INPP4B: variants seen among roughly 807,000 people sequenced by gnomAD.
INPP4B encodes inositol polyphosphate-4-phosphatase type II B, also known as inositol polyphosphate 4-phosphatase type II.
Under a neutral mutation model 122.5 loss-of-function variants are expected in INPP4B, and 55 were observed. The ratio of observed to expected loss-of-function variants is 0.45; its 90% CI spans 0.36 to 0.56. INPP4B has a LOEUF of 0.56. INPP4B is among the 20% of genes least tolerant of loss of function. The probability of loss-of-function intolerance (pLI) is 0.00; values close to 1 mark genes in which losing one functional copy is unlikely to be tolerated. For synonymous variants in INPP4B, 403 were observed against 388.7 expected (o/e 1.04, Z -0.43); for missense variants, 1,000 against 1,097.7 (o/e 0.91, Z 1.26).
chr4:142,402,787 T>C, intron 7 of INPP4B, 151 bp downstream of exon 7: 1 of 587,990 alleles, frequency 1.7e-6, no homozygotes, highest in Non-Finnish European at 3.0e-6. Context: ...GAGACAAACA[T>C]ATTTGGGAAA....
intron 25 of INPP4B, chr4:142,029,469 G>T (rs1481664599): frequency 1.0e-6 from 1 of 985,866 alleles, no homozygotes; most frequent in East Asian, 1.1e-4. Flanking sequence ...TCCACGGACA[G>T]TACAAAAGTC....
chr4:142,504,134 C>A (rs565640748), intron 2 of INPP4B, among the ~76,000 whole-genome samples: 2 of 151,794 alleles, frequency 1.3e-5, no homozygotes, highest in African/African-American at 4.8e-5. Flanking sequence ...ATTTGCCAAG[C>A]AAATGGTATA....
At chr4:142,201,314 T>G (rs1840536810) in intron 14 of INPP4B, among the ~76,000 whole-genome samples, 2 of 152,098 alleles carry the variant, frequency 1.3e-5, no homozygotes, top group Non-Finnish European at 2.9e-5. Context: ...TCTTTAACTT[T>G]AATTGAGATA....
chr4:142,389,805 G>A (rs572073205), intron 7 of INPP4B, among the ~76,000 whole-genome samples: 1 of 152,304 alleles, frequency 6.6e-6, no homozygotes, highest in Admixed American at 6.5e-5. Context: ...AGTTTTACAT[G>A]CAAGATGTCT....
At chr4:142,159,215 G>A (rs1031574413) in intron 17 of INPP4B, among the ~76,000 whole-genome samples, 1 of 149,726 alleles carries the variant, frequency 6.7e-6, no homozygotes, top group Non-Finnish European at 1.5e-5. Context: ...TTACAGTTGA[G>A]AAAATTGAAC....
intron 2 of INPP4B, among the ~76,000 whole-genome samples, chr4:142,471,147 G>A (rs929795753): frequency 3.3e-5 from 5 of 152,190 alleles, no homozygotes; most frequent in African/African-American, 1.2e-4. Flanking sequence ...TTTTAAGTCT[G>A]CTTTTTTCAT....
chr4:142,115,589 T>C (rs978244900), intron 21 of INPP4B, among the ~76,000 whole-genome samples: 3 of 152,134 alleles, frequency 2.0e-5, no homozygotes, highest in African/African-American at 7.2e-5. Context: ...AGAAATAAAA[T>C]CTTTTACAGA....
At chr4:142,605,532 C>A (rs1741049173) in intron 2 of INPP4B, among the ~76,000 whole-genome samples, 1 of 151,958 alleles carries the variant, frequency 6.6e-6, no homozygotes, top group Admixed American at 6.6e-5. Flanking sequence ...ACTTATCCAA[C>A]AGGGGACTGC....
intron 2 of INPP4B, among the ~76,000 whole-genome samples, chr4:142,672,158 C>A (rs542264252): frequency 6.6e-6 from 1 of 152,246 alleles, no homozygotes; most frequent in East Asian, 1.9e-4. Flanking sequence ...TCATAGTTTA[C>A]ATTTTGGGCT....
intron 2 of INPP4B, among the ~76,000 whole-genome samples, chr4:142,669,824 A>C (rs1400023848): frequency 1.3e-5 from 2 of 152,210 alleles, no homozygotes; most frequent in Non-Finnish European, 2.9e-5. Context: ...ATTATCAAAA[A>C]TAAGAAAGAT....
At chr4:142,526,158 G>T (rs1826886009) in intron 2 of INPP4B, among the ~76,000 whole-genome samples, 1 of 152,034 alleles carries the variant, frequency 6.6e-6, no homozygotes, top group African/African-American at 2.4e-5. Context: ...ATCAATACAT[G>T]TGTATCTAGT....
chr4:142,817,351 T>C (rs1046228991), intron 1 of INPP4B, among the ~76,000 whole-genome samples: 1 of 152,190 alleles, frequency 6.6e-6, no homozygotes, highest in South Asian at 2.1e-4. Context: ...GTCACATATC[T>C]GATGAGTTTC....
chr4:142,458,015 TGCTTTTAGTG>T (rs1815857689), intron 3 of INPP4B, among the ~76,000 whole-genome samples: 1 of 152,204 alleles, frequency 6.6e-6, no homozygotes, highest in Non-Finnish European at 1.5e-5. Flanking sequence ...TGGACACAGA[TGCTTTTAGTG>T]GCTTTTAAAA....
chr4:142,375,559 T>C (rs1010276121), intron 7 of INPP4B, among the ~76,000 whole-genome samples: 2 of 151,924 alleles, frequency 1.3e-5, no homozygotes, highest in African/African-American at 4.8e-5. Context: ...TTATCAGCTT[T>C]CCTTGCTACT....
chr4:142,172,033 AATTAT>A (rs527744661), intron 16 of INPP4B, among the ~76,000 whole-genome samples: 415 of 152,066 alleles, frequency 2.7e-3, no homozygotes, highest in Non-Finnish European at 4.4e-3. Flanking sequence ...ACCGAAATGA[AATTAT>A]ATTATTTTAC....
At chr4:142,711,752 A>G (rs1433147382) in intron 2 of INPP4B, among the ~76,000 whole-genome samples, 1 of 152,152 alleles carries the variant, frequency 6.6e-6, no homozygotes, top group East Asian at 1.9e-4. Flanking sequence ...TGATGACCTT[A>G]TATAAGAGGT....
At chr4:142,471,634 G>A (rs768459831) in intron 2 of INPP4B, among the ~76,000 whole-genome samples, 1 of 152,208 alleles carries the variant, frequency 6.6e-6, no homozygotes, top group African/African-American at 2.4e-5. Flanking sequence ...GACAGTGGGG[G>A]CAGAGGTTCT....
chr4:142,697,392 T>C (rs1022933187), intron 2 of INPP4B, among the ~76,000 whole-genome samples: 3 of 152,200 alleles, frequency 2.0e-5, no homozygotes, highest in African/African-American at 7.2e-5. Context: ...GTGAATTATA[T>C]ACATGAGTGA....
At chr4:142,581,396 A>T (rs1035275158) in intron 2 of INPP4B, among the ~76,000 whole-genome samples, 1 of 151,952 alleles carries the variant, frequency 6.6e-6, no homozygotes, top group Non-Finnish European at 1.5e-5. Context: ...TGTCAAATTA[A>T]TAGGTTATTG....
Sources: gnomAD v4.1 joint callset for allele counts (sites outside exome capture counted in the v4.1 genomes callset) on GRCh38, gnomAD v4.1.1 for gene constraint, MANE v1.5 for transcripts, NCBI Gene and HGNC (gene_info 2026-07-23, HGNC 2026-07-21) for gene names.